NRCAM: variants seen among roughly 807,000 people sequenced by gnomAD.
The protein encoded by NRCAM is NgCAM-related cell adhesion molecule.
A neutral mutation model predicts 156.5 loss-of-function variants in NRCAM; 83 were observed. That is an observed-to-expected ratio of 0.53 (90% CI 0.44 to 0.64). NRCAM has a LOEUF of 0.64. Ranked by LOEUF, NRCAM falls within the 30% of genes least tolerant of loss-of-function variation. The probability of loss-of-function intolerance (pLI) is 0.00; values close to 1 mark genes in which losing one functional copy is unlikely to be tolerated. For synonymous variants in NRCAM, 538 were observed against 563.9 expected (o/e 0.95, Z 0.65); for missense variants, 1,417 against 1,597.3 (o/e 0.89, Z 1.92).
At chr7:108,309,044 A>C (rs1454851746) in intron 3 of NRCAM, among the ~76,000 whole-genome samples, 1 of 152,240 alleles carries the variant, frequency 6.6e-6, no homozygotes, top group African/African-American at 2.4e-5. Flanking sequence ...AAAGCTGAGC[A>C]GTCGCCTGGG....
intron 1 of NRCAM, among the ~76,000 whole-genome samples, chr7:108,413,946 T>G (rs184434645): frequency 6.6e-6 from 1 of 152,264 alleles, no homozygotes; most frequent in East Asian, 1.9e-4. Flanking sequence ...GCCTCTGTCA[T>G]GTCCACACTG....
intron 3 of NRCAM, among the ~76,000 whole-genome samples, chr7:108,271,998 T>C (rs751492577): frequency 3.3e-5 from 5 of 152,190 alleles, no homozygotes; most frequent in African/African-American, 7.2e-5. Context: ...GTAAGACTTA[T>C]GAGCAAAAAG....
At chr7:108,275,295 AT>A (rs1340781835) in intron 3 of NRCAM, among the ~76,000 whole-genome samples, 61 of 152,334 alleles carry the variant, frequency 4.0e-4, no homozygotes, top group African/African-American at 1.4e-3. Context: ...ACTGATCGGA[AT>A]AGCTTCAGAA....
intron 2 of NRCAM, among the ~76,000 whole-genome samples, chr7:108,326,873 A>AT (rs2099074786): frequency 6.6e-6 from 1 of 152,174 alleles, no homozygotes; most frequent in African/African-American, 2.4e-5. Context: ...GCCCTGAGGG[A>AT]TAAAAACCTT....
chr7:108,373,335 C>G (rs1440105800), intron 2 of NRCAM, among the ~76,000 whole-genome samples: 1 of 152,056 alleles, frequency 6.6e-6, no homozygotes, highest in Non-Finnish European at 1.5e-5. Flanking sequence ...GTTAAGAGGG[C>G]AGATCTTAGG....
chr7:108,298,262 G>A (rs772002122), intron 3 of NRCAM, among the ~76,000 whole-genome samples: 2 of 152,024 alleles, frequency 1.3e-5, no homozygotes, highest in Non-Finnish European at 2.9e-5. Flanking sequence ...ATCTAAGCAG[G>A]TGGGGGATAT....
intron 32 of NRCAM, chr7:108,156,370 A>G: frequency 1.0e-6 from 1 of 984,108 alleles, no homozygotes; most frequent in Non-Finnish European, 1.2e-6. Flanking sequence ...GGATCTAAAG[A>G]ATAAAAAAAT....
chr7:108,162,205 T>C (rs1446266334), intron 30 of NRCAM, among the ~76,000 whole-genome samples: 2 of 152,218 alleles, frequency 1.3e-5, no homozygotes. Context: ...CATTATATTA[T>C]ACTGCTGTAA....
At position 108,181,915 on chromosome 7, in the gene NRCAM, G is replaced by A. The variant is rs540122044; in HGVS notation, c.2553C>T (p.Asn851=). ...GEDLPMVAPG[N]VRVNVVNSTL... is the part of the protein sequence containing the mutation. ...TACTGTTCACCACATTCACACGCACGTTCCCAGGAGCCACCATTGGGACTA... is the reference window on the plus strand; with the variant it reads ...TACTGTTCACCACATTCACACGCACATTCCCAGGAGCCACCATTGGGACTA... The change falls in exon 24 of 33, where the codon AAC becomes AAT. Residue 851 remains asparagine, a synonymous_variant. Transcript: ENST00000379028. 1.8e-4 allele frequency: 292 copies of A among 1,613,944 alleles called. 2 individuals carry two copies. The South Asian group carries it at 2.5e-3, about 14-fold the overall frequency.
intron 3 of NRCAM, among the ~76,000 whole-genome samples, chr7:108,280,838 T>TAA (rs11416045): frequency 1.8e-4 from 28 of 151,902 alleles, no homozygotes; most frequent in South Asian, 6.2e-4. Flanking sequence ...TAATATCAAG[T>TAA]AAAAAAAATG....
At chr7:108,435,221 T>A (rs1830630018) in intron 1 of NRCAM, among the ~76,000 whole-genome samples, 2 of 152,156 alleles carry the variant, frequency 1.3e-5, no homozygotes, top group African/African-American at 2.4e-5. Flanking sequence ...AGAAAACAAT[T>A]GAATGGGAAA....
At chr7:108,435,748 T>C (rs1195831999) in intron 1 of NRCAM, among the ~76,000 whole-genome samples, 2 of 152,204 alleles carry the variant, frequency 1.3e-5, no homozygotes, top group Admixed American at 6.5e-5. Flanking sequence ...GAACTTAAAC[T>C]AAAACTCTAG....
At chr7:108,223,670 C>A in intron 11 of NRCAM, 55 bp downstream of exon 11, 1 of 883,398 alleles carries the variant, frequency 1.1e-6, no homozygotes, top group Non-Finnish European at 1.9e-6. Flanking sequence ...CTCTCTCTAC[C>A]AACCTACTAT....
intron 3 of NRCAM, among the ~76,000 whole-genome samples, chr7:108,308,494 T>C (rs962114085): frequency 6.6e-6 from 1 of 152,214 alleles, no homozygotes; most frequent in African/African-American, 2.4e-5. Flanking sequence ...CAGTTTTTTA[T>C]TTCCAGTTTC....
intron 2 of NRCAM, among the ~76,000 whole-genome samples, chr7:108,367,809 C>G (rs942249969): frequency 6.6e-6 from 1 of 152,146 alleles, no homozygotes; most frequent in Non-Finnish European, 1.5e-5. Context: ...GTCATTTCTC[C>G]AAAATGGTTG....
intron 19 of NRCAM, among the ~76,000 whole-genome samples, chr7:108,190,419 C>T (rs898400896): frequency 3.9e-5 from 6 of 152,138 alleles, no homozygotes; most frequent in Admixed American, 6.6e-5. Context: ...CTTTATTTGA[C>T]CTTGCTCCTA....
At chr7:108,403,970 G>T (rs2099800381) in intron 1 of NRCAM, among the ~76,000 whole-genome samples, 2 of 152,128 alleles carry the variant, frequency 1.3e-5, no homozygotes, top group Admixed American at 1.3e-4. Context: ...TCACACCGAA[G>T]GGCTTTTTAA....
chr7:108,268,374 A>C (rs1380547746), intron 3 of NRCAM, among the ~76,000 whole-genome samples: 1 of 152,182 alleles, frequency 6.6e-6, no homozygotes, highest in Non-Finnish European at 1.5e-5. Context: ...AAAGGGCTAC[A>C]TCAGAAATTC....
intron 2 of NRCAM, among the ~76,000 whole-genome samples, chr7:108,336,398 A>G (rs2099191189): frequency 6.6e-6 from 1 of 152,266 alleles, no homozygotes. Context: ...AATGAAAACC[A>G]GAGCGATTAG....
Sources: gnomAD v4.1 joint callset for allele counts (sites outside exome capture counted in the v4.1 genomes callset) on GRCh38, gnomAD v4.1.1 for gene constraint, MANE v1.5 for transcripts, NCBI Gene and HGNC (gene_info 2026-07-23, HGNC 2026-07-21) for gene names.